Variants in ENOX1 observed in about 807,000 individuals in gnomAD.
ENOX1 encodes candidate growth-related and time keeping constitutive hydroquinone (NADH) oxidase.
A neutral mutation model predicts 82.5 loss-of-function variants in ENOX1; 42 were observed. The ratio of observed to expected loss-of-function variants is 0.51; its 90% CI spans 0.40 to 0.66. ENOX1 has a LOEUF of 0.66. ENOX1 is among the 30% of genes least tolerant of loss of function. ENOX1 has a pLI of 0.00. For synonymous variants in ENOX1, 271 were observed against 282.2 expected (o/e 0.96, Z 0.40); for missense variants, 608 against 811.6 (o/e 0.75, Z 3.05).
At position 43,747,165 on chromosome 13, in the gene ENOX1, C is replaced by T. The variant is rs112519535; in HGVS notation, c.-285+39487G>A. Among the ~76,000 whole-genome samples the T allele has an allele frequency of 2.1e-3, 325 of 152,220 alleles. 4 individuals are homozygous for T. Among genetic ancestry groups the T allele is most frequent in the Non-Finnish European group, 3.8e-3 (259 of 68,014 alleles). On this transcript the variant is annotated intron_variant, in intron 1 of 16. Coordinates refer to ENST00000690772, the MANE Select transcript of ENOX1 (RefSeq NM_001347969.2). ...CACTTCAGATTCCTAGTCTGAAAAA[C>T]GGGTATAATCTCCAAGAATTGTGAG...
chr13:43,328,096 G>A (rs1191168106), intron 9 of ENOX1, among the ~76,000 whole-genome samples: 1 of 152,040 alleles, frequency 6.6e-6, no homozygotes, highest in African/African-American at 2.4e-5. Context: ...TTCCCTCCTC[G>A]ACCTCAACTG....
At chr13:43,395,269 A>G (rs1352141115) in intron 5 of ENOX1, among the ~76,000 whole-genome samples, 2 of 152,174 alleles carry the variant, frequency 1.3e-5, no homozygotes, top group Non-Finnish European at 2.9e-5. Context: ...ATAATCCTGG[A>G]ACTTTGGGAG....
intron 1 of ENOX1, among the ~76,000 whole-genome samples, chr13:43,737,404 G>A (rs2089685728): frequency 1.3e-5 from 2 of 152,182 alleles, no homozygotes; most frequent in African/African-American, 4.8e-5. Flanking sequence ...AAGAATCTCT[G>A]CATTGCTCAG....
At chr13:43,222,200 G>A (rs187180602) in intron 16 of ENOX1, among the ~76,000 whole-genome samples, 1 of 152,034 alleles carries the variant, frequency 6.6e-6, no homozygotes, top group East Asian at 1.9e-4. Flanking sequence ...TCATCTAATG[G>A]CCAGGGACAA....
intron 2 of ENOX1, among the ~76,000 whole-genome samples, chr13:43,561,761 G>A (rs561467149): frequency 6.6e-5 from 10 of 152,140 alleles, no homozygotes; most frequent in East Asian, 5.8e-4. Flanking sequence ...AGGCTGAGGC[G>A]TGTGAGCCCA....
intron 1 of ENOX1, among the ~76,000 whole-genome samples, chr13:43,758,236 AAAAAAAAC>A (rs1294738034): frequency 3.3e-5 from 5 of 152,104 alleles, no homozygotes; most frequent in African/African-American, 9.7e-5. Context: ...ACTCCTCTCA[AAAAAAAAC>A]AAAAAAACAA....
intron 2 of ENOX1, among the ~76,000 whole-genome samples, chr13:43,647,327 G>A (rs745839285): frequency 6.6e-6 from 1 of 152,144 alleles, no homozygotes; most frequent in Non-Finnish European, 1.5e-5. Flanking sequence ...ATAAACTACT[G>A]TATCTGACAC....
chr13:43,355,958 A>T lies in ENOX1; in HGVS notation c.784T>A (p.Ser262Thr). 1 of 1,614,080 alleles carries T rather than the reference A, an allele frequency of 6.2e-7. No individual in the cohort carries two copies. The highest frequency in any genetic ancestry group is 8.5e-7 in the Non-Finnish European group (1 of 1,180,036). The stretch of plus-strand genomic sequence containing the variant: ...GCCAGCAGAGCGGCTTCGTGCTCCG[A>T]GTAGTGCATTATGGCAGGCGGGGAT... Reference protein sequence around the residue: ...PPSPPAIMHYSEHEAALLAEK... With the variant: ...PPSPPAIMHYTEHEAALLAEK... Residue 262 changes from serine to threonine, a missense_variant, in exon 8 of 17, where the codon TCG becomes ACG. Ser to Thr is a moderately conservative substitution (Grantham distance 58). Coordinates refer to ENST00000690772, the MANE Select transcript of ENOX1 (RefSeq NM_001347969.2).
chr13:43,497,665 T>G (rs776085413), intron 2 of ENOX1, among the ~76,000 whole-genome samples: 1 of 152,146 alleles, frequency 6.6e-6, no homozygotes, highest in Non-Finnish European at 1.5e-5. Context: ...CATTTTTGTG[T>G]CTATGATCAT....
At chr13:43,468,634 G>GA (rs60827645) in intron 3 of ENOX1, among the ~76,000 whole-genome samples, 1,332 of 127,492 alleles carry the variant, frequency 0.01, 20 homozygotes, top group African/African-American at 0.029. Context: ...CCACAAAAAA[G>GA]AAAAAAAAAA....
intron 14 of ENOX1, among the ~76,000 whole-genome samples, chr13:43,250,259 G>C (rs1177727563): frequency 6.6e-6 from 1 of 152,158 alleles, no homozygotes; most frequent in Admixed American, 6.6e-5. Context: ...GGAAACTATA[G>C]CTTCTCCACT....
At chr13:43,598,772 C>T (rs897339804) in intron 2 of ENOX1, among the ~76,000 whole-genome samples, 1 of 148,916 alleles carries the variant, frequency 6.7e-6, no homozygotes, top group Non-Finnish European at 1.5e-5. Flanking sequence ...TTTAAGAAGA[C>T]CCCTTTAAAA....
At chr13:43,293,026 C>T (rs1367313439) in intron 12 of ENOX1, among the ~76,000 whole-genome samples, 2 of 151,410 alleles carry the variant, frequency 1.3e-5, no homozygotes, top group Non-Finnish European at 2.9e-5. Context: ...AGTCACCATC[C>T]CCACCACAGC....
chr13:43,493,309 C>G (rs1007115725), intron 2 of ENOX1, among the ~76,000 whole-genome samples: 29 of 152,072 alleles, frequency 1.9e-4, no homozygotes, highest in Admixed American at 1.3e-3. Flanking sequence ...CCATGATAGG[C>G]CAGCCATCTG....
chr13:43,325,538 T>C (rs1474670824), intron 10 of ENOX1, among the ~76,000 whole-genome samples: 1 of 152,214 alleles, frequency 6.6e-6, no homozygotes, highest in African/African-American at 2.4e-5. Flanking sequence ...AAACTCTATA[T>C]AAAATACTTA....
chr13:43,221,803 C>T (rs1174264774), intron 16 of ENOX1, among the ~76,000 whole-genome samples: 2 of 152,122 alleles, frequency 1.3e-5, no homozygotes, highest in Non-Finnish European at 2.9e-5. Context: ...TGGGGAAATC[C>T]TGACCACAAC....
In ENOX1 at chr13:43,324,014, C is replaced by G. The variant is rs564343410; in HGVS notation, c.1144-1513G>C. ...AGGTGGGGTGCAGGGGCACCAATCACAGGCAGCCCTGAGAGGCCAGAGGGA... is the reference window on the plus strand; with the variant it reads ...AGGTGGGGTGCAGGGGCACCAATCAGAGGCAGCCCTGAGAGGCCAGAGGGA... On this transcript the variant is annotated intron_variant, in intron 10 of 16. Transcript: ENST00000690772. 1.7e-4 allele frequency among the ~76,000 whole-genome samples: 26 copies of G among 152,228 alleles called. 1 individual carries two copies. Among genetic ancestry groups the G allele is most frequent in the Admixed American group, 7.2e-4 (11 of 15,280 alleles).
At chr13:43,628,041 G>A (rs2083043898) in intron 2 of ENOX1, among the ~76,000 whole-genome samples, 3 of 151,760 alleles carry the variant, frequency 2.0e-5, no homozygotes, top group Non-Finnish European at 4.4e-5. Flanking sequence ...CTTGAATATA[G>A]TTTTCAGAAG....
At chr13:43,318,394 C>T (rs1447465246) in intron 11 of ENOX1, among the ~76,000 whole-genome samples, 1 of 152,058 alleles carries the variant, frequency 6.6e-6, no homozygotes, top group African/African-American at 2.4e-5. Context: ...AACTGGGTAC[C>T]CTGTATCTAA....
Sources: gnomAD v4.1 joint callset for allele counts (sites outside exome capture counted in the v4.1 genomes callset) on GRCh38, gnomAD v4.1.1 for gene constraint, MANE v1.5 for transcripts, NCBI Gene and HGNC (gene_info 2026-07-23, HGNC 2026-07-21) for gene names.